Variants in MEF2C observed in about 807,000 individuals in gnomAD.
MEF2C encodes myocyte-specific enhancer factor 2C.
In MEF2C, 6 loss-of-function variants were observed where a neutral mutation model predicts 50.5. The observed-to-expected ratio is 0.12, with a 90% CI of 0.07 to 0.23. The LOEUF is 0.23. Among genes scored for constraint, MEF2C ranks in the 10% least tolerant of loss-of-function variants. The probability of loss-of-function intolerance (pLI) is 1.00; values close to 1 mark genes in which losing one functional copy is unlikely to be tolerated. For synonymous variants in MEF2C, 183 were observed against 228.0 expected (o/e 0.80, Z 1.78); for missense variants, 276 against 605.0 (o/e 0.46, Z 5.70).
At chr5:88,823,692 ATAAT>A (rs768774115) in intron 2 of MEF2C, 39 bp downstream of exon 2, 2 of 1,514,354 alleles carry the variant, frequency 1.3e-6, no homozygotes, top group Admixed American at 1.7e-5. Context: ...TGGAGAAAAT[ATAAT>A]TAATAAATAA....
At chr5:88,891,776 T>C (rs1365096084) in intron 1 of MEF2C, among the ~76,000 whole-genome samples, 1 of 152,136 alleles carries the variant, frequency 6.6e-6, no homozygotes, top group Non-Finnish European at 1.5e-5. Context: ...ATCATAAAGA[T>C]TTAGACAAAG....
intron 1 of MEF2C, among the ~76,000 whole-genome samples, chr5:88,837,904 A>C (rs901749302): frequency 6.6e-6 from 1 of 152,220 alleles, no homozygotes; most frequent in African/African-American, 2.4e-5. Flanking sequence ...AGCTTTACAT[A>C]TATTAACTCT....
At chr5:88,802,489 C>G (rs1798772413) in intron 3 of MEF2C, among the ~76,000 whole-genome samples, 2 of 152,216 alleles carry the variant, frequency 1.3e-5, no homozygotes, top group Non-Finnish European at 2.9e-5. Flanking sequence ...CTCTGTCACT[C>G]AGGCTGGAGT....
intron 3 of MEF2C, among the ~76,000 whole-genome samples, chr5:88,797,051 A>G (rs1037113314): frequency 8.6e-5 from 13 of 152,020 alleles, no homozygotes; most frequent in African/African-American, 2.7e-4. Flanking sequence ...CAATTATGTC[A>G]GTTTTAGGAT....
At chr5:88,727,858 C>CA (rs1233862123) in intron 10 of MEF2C, among the ~76,000 whole-genome samples, 4 of 151,920 alleles carry the variant, frequency 2.6e-5, no homozygotes, top group Non-Finnish European at 5.9e-5. Context: ...AGATAAATGA[C>CA]AAGAGTCATT....
At chr5:88,751,541 G>A in intron 5 of MEF2C, 2 of 985,270 alleles carry the variant, frequency 2.0e-6, no homozygotes, top group Non-Finnish European at 2.4e-6. Flanking sequence ...TTTTAGGCAG[G>A]GAGGACGAGC....
intron 1 of MEF2C, among the ~76,000 whole-genome samples, chr5:88,879,419 T>A (rs1432921606): frequency 6.6e-6 from 1 of 150,826 alleles, no homozygotes; most frequent in Non-Finnish European, 1.5e-5. Flanking sequence ...TGAACTTTTA[T>A]GAAGATATGT....
intron 1 of MEF2C, among the ~76,000 whole-genome samples, chr5:88,891,267 G>A (rs1315059548): frequency 1.3e-5 from 2 of 152,092 alleles, no homozygotes; most frequent in African/African-American, 4.8e-5. Flanking sequence ...AGGGAGGAAA[G>A]GTGTCACCTA....
intron 3 of MEF2C, among the ~76,000 whole-genome samples, chr5:88,796,287 T>A (rs1795997540): frequency 6.6e-6 from 1 of 152,206 alleles, no homozygotes; most frequent in Non-Finnish European, 1.5e-5. Context: ...TTTTGGTTGG[T>A]AGCCTATTAA....
At chr5:88,755,491 A>G (rs1774876479) in intron 4 of MEF2C, among the ~76,000 whole-genome samples, 1 of 152,218 alleles carries the variant, frequency 6.6e-6, no homozygotes, top group Non-Finnish European at 1.5e-5. Context: ...AATAAGGGCT[A>G]GATATTAGCA....
At chr5:88,883,191 AGCGAGC>A (rs1833492171), upstream of MEF2C, 1 of 141,516 alleles carries the variant, frequency 7.1e-6, no homozygotes. Flanking sequence ...CTGCGAGCAG[AGCGAGC>A]AGAGAGCTGG....
chr5:88,824,472 T>A, intron 1 of MEF2C: 1 of 500,878 alleles, frequency 2.0e-6, no homozygotes, highest in Non-Finnish European at 2.6e-6. Context: ...CTAAATCCTT[T>A]AATCTTACTT....
intron 7 of MEF2C, 24 bp downstream of exon 7, chr5:88,731,705 A>G (rs370420339): frequency 6.3e-7 from 1 of 1,597,750 alleles, no homozygotes; most frequent in African/African-American, 1.3e-5. Flanking sequence ...ATCAATATTT[A>G]TTTAAAATGT....
intron 1 of MEF2C, among the ~76,000 whole-genome samples, chr5:88,894,647 G>T (rs749019999): frequency 2.0e-5 from 3 of 152,136 alleles, no homozygotes; most frequent in Non-Finnish European, 4.4e-5. Flanking sequence ...TAAAGCATTA[G>T]ATTATTTGAT....
At chr5:88,872,477 G>A (rs1028067508) in intron 1 of MEF2C, among the ~76,000 whole-genome samples, 2 of 151,968 alleles carry the variant, frequency 1.3e-5, no homozygotes, top group Non-Finnish European at 2.9e-5. Context: ...CCACGACTGT[G>A]TAAGAATTAG....
intron 3 of MEF2C, among the ~76,000 whole-genome samples, chr5:88,793,694 T>C (rs1214488298): frequency 6.6e-6 from 1 of 152,166 alleles, no homozygotes; most frequent in East Asian, 1.9e-4. Context: ...GTGCAGAACA[T>C]GCAGACTTGT....
intron 1 of MEF2C, among the ~76,000 whole-genome samples, chr5:88,855,528 T>G (rs1262728634): frequency 1.3e-5 from 2 of 152,214 alleles, no homozygotes; most frequent in African/African-American, 4.8e-5. Context: ...TCTGATACAG[T>G]TTGGCTGTGT....
chr5:88,728,763 G>A, intron 9 of MEF2C, 135 bp from the exon 10 acceptor site: 1 of 643,116 alleles, frequency 1.6e-6, no homozygotes. Context: ...AATTTTGAGG[G>A]GAGGGGAGAT....
intron 9 of MEF2C, among the ~76,000 whole-genome samples, chr5:88,728,931 A>G (rs1239283926): frequency 6.6e-6 from 1 of 152,196 alleles, no homozygotes; most frequent in Non-Finnish European, 1.5e-5. Context: ...AGAAATGTTA[A>G]ACAATCCTGA....
Sources: gnomAD v4.1 joint callset for allele counts (sites outside exome capture counted in the v4.1 genomes callset) on GRCh38, gnomAD v4.1.1 for gene constraint, MANE v1.5 for transcripts, NCBI Gene and HGNC (gene_info 2026-07-23, HGNC 2026-07-21) for gene names.